SHANK2: variants seen among roughly 807,000 people sequenced by gnomAD.
SHANK2 encodes SH3 and multiple ankyrin repeat domains 2, also known as SH3 and multiple ankyrin repeat domains protein 2.
In SHANK2, 43 loss-of-function variants were observed where a neutral mutation model predicts 133.7. The observed-to-expected ratio is 0.32, with a 90% CI of 0.25 to 0.41. SHANK2 has a LOEUF of 0.41. Ranked by LOEUF, SHANK2 falls within the 10% of genes least tolerant of loss-of-function variation. SHANK2 has a pLI of 1.00. For missense variants in SHANK2, 1,994 were observed against 2,235.8 expected (o/e 0.89, Z 2.18); for synonymous variants, 1,017 against 952.8 (o/e 1.07, Z -1.24).
Position 71,147,180 on chromosome 11 carries a change from C to T in SHANK2, c.147G>A (p.Thr49=), listed in dbSNP as rs569305934. ...CCAGCGTGTTGCCCTGGCTCTCCTC[C>T]GTCCTGGCACCGCCCGGCTTCTCCG... The part of the protein sequence containing the change: ...ATAEKPGGAR[T]EESQGNTLVI... Residue 49 remains threonine, a synonymous_variant, in exon 3 of 26, where the codon ACG becomes ACA. Coordinates refer to ENST00000601538, the MANE Select transcript of SHANK2 (RefSeq NM_012309.5). 30 of 1,550,700 alleles carry T rather than the reference C, an allele frequency of 1.9e-5. No individual in the cohort carries two copies. The highest frequency in any genetic ancestry group is 1.5e-4 in the South Asian group (13 of 84,050).
rs2060385621 is a variant in SHANK2 at position 70,595,360 on chromosome 11, C to T, written c.2061+64468G>A. Among the ~76,000 whole-genome samples the T allele has an allele frequency of 1.3e-5, 2 of 152,212 alleles. 1 individual carries two copies. The highest frequency in any genetic ancestry group is 4.1e-4 in the South Asian group (2 of 4,828). ...TGCGTTTGTTAAAAATACGCAGCAC[C>T]ATCTGCAGCAACTTGGAATTTAATA... On this transcript the variant is annotated intron_variant, in intron 17 of 25. Transcript: ENST00000601538.
chr11:71,103,263 C>A (rs1244293992), intron 6 of SHANK2, among the ~76,000 whole-genome samples: 1 of 152,308 alleles, frequency 6.6e-6, no homozygotes. Context: ...AGAGCTGAGG[C>A]CTGGCAAGGC....
chr11:70,876,609 A>G (rs575344498), intron 11 of SHANK2, among the ~76,000 whole-genome samples: 41 of 150,842 alleles, frequency 2.7e-4, no homozygotes, highest in Non-Finnish European at 4.7e-4. Context: ...ACACACACAC[A>G]CGCACACACA....
intron 11 of SHANK2, among the ~76,000 whole-genome samples, chr11:70,843,119 A>C (rs575560473): frequency 6.6e-6 from 1 of 152,110 alleles, no homozygotes; most frequent in East Asian, 1.9e-4. Context: ...TGAGGCTGGA[A>C]GGTACAGGTT....
intron 10 of SHANK2, among the ~76,000 whole-genome samples, chr11:70,927,628 G>A (rs1555081835): frequency 6.6e-6 from 1 of 152,122 alleles, no homozygotes; most frequent in African/African-American, 2.4e-5. Flanking sequence ...GACACAGGCA[G>A]GGTCCTGGTG....
intron 17 of SHANK2, among the ~76,000 whole-genome samples, chr11:70,614,313 T>TTC (rs2060708281): frequency 1.8e-5 from 1 of 55,186 alleles, no homozygotes; most frequent in Non-Finnish European, 5.1e-5. Flanking sequence ...AGTCTGTGGG[T>TTC]TTTGTTTTTT....
chr11:70,946,073 C>T (rs1214300078), intron 10 of SHANK2, among the ~76,000 whole-genome samples: 2 of 150,526 alleles, frequency 1.3e-5, no homozygotes, highest in East Asian at 4.0e-4. Flanking sequence ...CTAACCAACC[C>T]TTCTCAGGCT....
chr11:70,690,420 T>C (rs377764104), intron 15 of SHANK2, among the ~76,000 whole-genome samples: 5 of 150,068 alleles, frequency 3.3e-5, no homozygotes, highest in East Asian at 2.0e-4. Flanking sequence ...CTTCTTCTCA[T>C]AGGTCTGTAA....
chr11:70,828,990 C>G (rs777898970), intron 11 of SHANK2, among the ~76,000 whole-genome samples: 1 of 152,240 alleles, frequency 6.6e-6, no homozygotes, highest in African/African-American at 2.4e-5. Flanking sequence ...AGAGCCTGCA[C>G]GTTTCTGGGC....
intron 1 of SHANK2, among the ~76,000 whole-genome samples, chr11:71,233,555 G>T (rs917791568): frequency 1.3e-5 from 2 of 152,202 alleles, no homozygotes; most frequent in Non-Finnish European, 2.9e-5. Context: ...GACTCCGATG[G>T]TTGCACAATC....
intron 17 of SHANK2, among the ~76,000 whole-genome samples, chr11:70,652,579 G>A (rs377431561): frequency 1.3e-5 from 2 of 152,172 alleles, no homozygotes; most frequent in African/African-American, 4.8e-5. Flanking sequence ...GGAGGCTGAG[G>A]TGGGAGGATC....
chr11:70,913,977 G>A (rs1950231860), intron 10 of SHANK2, among the ~76,000 whole-genome samples: 1 of 152,232 alleles, frequency 6.6e-6, no homozygotes, highest in African/African-American at 2.4e-5. Flanking sequence ...TTAGAGCAGT[G>A]CTGTGAGTGT....
At chr11:71,119,105 T>C in intron 3 of SHANK2, 73 bp from the exon 4 acceptor site, 1 of 1,355,008 alleles carries the variant, frequency 7.4e-7, no homozygotes, top group Non-Finnish European at 1.0e-6. Context: ...GGGCGCGTGG[T>C]CAGAGAGGCA....
At chr11:70,591,243 T>G (rs141568865) in intron 17 of SHANK2, among the ~76,000 whole-genome samples, 4 of 151,884 alleles carry the variant, frequency 2.6e-5, no homozygotes, top group Admixed American at 6.6e-5. Flanking sequence ...TCCCAGCTAC[T>G]AGGGAGATTG....
chr11:70,605,802 T>C (rs1243720550), intron 17 of SHANK2, among the ~76,000 whole-genome samples: 1 of 152,172 alleles, frequency 6.6e-6, no homozygotes, highest in Non-Finnish European at 1.5e-5. Flanking sequence ...CCGAGGAAAC[T>C]GCACGGCAAC....
At chr11:71,135,483 T>G (rs552919360) in intron 3 of SHANK2, among the ~76,000 whole-genome samples, 5 of 52,650 alleles carry the variant, frequency 9.5e-5, no homozygotes, top group Non-Finnish European at 1.5e-4. Context: ...GGGGGATATG[T>G]TTTTTTTTTT....
intron 17 of SHANK2, among the ~76,000 whole-genome samples, chr11:70,528,779 A>G (rs1163345631): frequency 6.7e-6 from 1 of 149,266 alleles, no homozygotes; most frequent in African/African-American, 2.5e-5. Context: ...CAAGTGGGGG[A>G]GGGTGAAAGG....
chr11:70,786,435 T>C (rs782221377), intron 14 of SHANK2, among the ~76,000 whole-genome samples: 5 of 152,126 alleles, frequency 3.3e-5, no homozygotes, highest in Non-Finnish European at 5.9e-5. Context: ...GGTATTACTA[T>C]CAGGAAGCCC....
intron 8 of SHANK2, among the ~76,000 whole-genome samples, chr11:71,088,123 G>T (rs1010487199): frequency 2.0e-5 from 3 of 152,214 alleles, no homozygotes; most frequent in African/African-American, 2.4e-5. Context: ...TCAGTTGGAG[G>T]CCTCAAGAGA....
Sources: gnomAD v4.1 joint callset for allele counts (sites outside exome capture counted in the v4.1 genomes callset) on GRCh38, gnomAD v4.1.1 for gene constraint, MANE v1.5 for transcripts, NCBI Gene and HGNC (gene_info 2026-07-23, HGNC 2026-07-21) for gene names.